The following JAK2 variants were observed in gnomAD, a reference collection of about 807,000 sequenced individuals.
JAK2 encodes the protein Janus kinase 2.
Under a neutral mutation model 139.3 loss-of-function variants are expected in JAK2, and 86 were observed. That is an observed-to-expected ratio of 0.62 (90% confidence interval 0.52 to 0.74). The LOEUF (loss-of-function observed/expected upper bound fraction) is 0.74, where lower values mean the gene tolerates loss of function less well. Ranked by LOEUF, JAK2 falls within the 30% of genes least tolerant of loss-of-function variation. JAK2 has a pLI of 0.00. For synonymous variants in JAK2, 490 were observed against 437.7 expected (o/e 1.12, Z -1.49); for missense variants, 1,421 against 1,360.3 (o/e 1.04, Z -0.70).
chr9:5,111,240 T>A, intron 22 of JAK2: 1 of 554,466 alleles, frequency 1.8e-6, no homozygotes, highest in Non-Finnish European at 3.4e-6. Flanking sequence ...CTATTCCTCC[T>A]TTGGTAGAGA....
chr9:5,021,951 TTTCTC>T lies in JAK2; in HGVS notation c.-25-9_-25-5del. On this transcript the variant is annotated splice_region_variant and splice_polypyrimidine_tract_variant and intron_variant, in intron 2 of 24. Transcript: ENST00000381652. Reference sequence around the variant, plus strand: ...CCCAGCCCATTTGTAACTTTATTGTTTTCTCTTACAGGCAAATGTTCTGAAAAAGA... The same window carrying T: ...CCCAGCCCATTTGTAACTTTATTGTTTTACAGGCAAATGTTCTGAAAAAGA... The T allele has an allele frequency of 2.7e-6, 4 of 1,509,120 alleles. No individual in the cohort carries two copies. The highest frequency in any genetic ancestry group is 2.8e-6 in the Non-Finnish European group (3 of 1,086,996). The allele number at this position is 1,509,120 out of a possible 1,614,324, so 93.5% of individuals were successfully genotyped here. A position where few individuals can be genotyped will look rare whatever the true frequency, so the allele number is the denominator to read the frequency against.
intron 5 of JAK2, among the ~76,000 whole-genome samples, chr9:5,050,145 T>C (rs1817311811): frequency 6.6e-6 from 1 of 152,208 alleles, no homozygotes; most frequent in Non-Finnish European, 1.5e-5. Flanking sequence ...GAAGATATAA[T>C]TTGAAGATAT....
chr9:5,044,548 T>G, intron 5 of JAK2, 28 bp downstream of exon 5: 1 of 1,278,402 alleles, frequency 7.8e-7, no homozygotes, highest in Non-Finnish European at 1.1e-6. Flanking sequence ...TACTTGTACA[T>G]GAGTTAAATG....
rs1818778921 is a variant in JAK2 at position 5,069,177 on chromosome 9, G to T, written c.1482G>T (p.Gln494His). ...TTCGCTCAGACAATATAATTTTCCA[G>T]TTTACTAAATGCTGTCCCCCAAAGC... Reference protein sequence around the residue: ...ETVRSDNIIFQFTKCCPPKPK... With the variant: ...ETVRSDNIIFHFTKCCPPKPK... The change falls in exon 11 of 25, where the codon CAG (glutamine) becomes CAT (histidine). Residue 494 changes from glutamine (Q) to histidine (H), a missense_variant. By Grantham distance (24) the Gln-to-His change is conservative. Transcript: ENST00000381652. The T allele has an allele frequency of 1.9e-6, 3 of 1,609,836 alleles. No homozygotes were observed. Among genetic ancestry groups the T allele is most frequent in the East Asian group, 4.5e-5 (2 of 44,706 alleles).
At chr9:5,049,855 G>A (rs1055443658) in intron 5 of JAK2, among the ~76,000 whole-genome samples, 6 of 152,256 alleles carry the variant, frequency 3.9e-5, no homozygotes, top group South Asian at 4.1e-4. Context: ...TATATAGCAT[G>A]TTGCTGTACT....
intron 22 of JAK2, chr9:5,099,648 T>C (rs188944063): frequency 6.8e-4 from 103 of 152,320 alleles, no homozygotes; most frequent in African/African-American, 2.4e-3. Flanking sequence ...TCCCACTGTT[T>C]CCAACCTCTA....
chr9:5,029,712 A>C, intron 3 of JAK2, 71 bp from the exon 4 acceptor site: 2 of 1,356,068 alleles, frequency 1.5e-6, no homozygotes, highest in African/African-American at 3.0e-5. Context: ...GCTTCATTTC[A>C]AATTATAGGT....
At chr9:5,051,039 C>G (rs967411620) in intron 6 of JAK2, among the ~76,000 whole-genome samples, 17 of 152,122 alleles carry the variant, frequency 1.1e-4, no homozygotes, top group African/African-American at 3.9e-4. Context: ...TTGAGCACCC[C>G]TAATCCAAAA....
At chr9:5,000,454 G>A (rs552048206) in intron 2 of JAK2, among the ~76,000 whole-genome samples, 1 of 152,102 alleles carries the variant, frequency 6.6e-6, no homozygotes, top group Non-Finnish European at 1.5e-5. Context: ...TAGTTTAAAG[G>A]AATGATTCAA....
chr9:5,109,734 C>T (rs1203059575), intron 22 of JAK2: 2 of 152,170 alleles, frequency 1.3e-5, no homozygotes. Flanking sequence ...TAGACTACTT[C>T]TCCATAATAT....
chr9:5,075,960 C>T (rs567250442), intron 14 of JAK2, among the ~76,000 whole-genome samples: 76 of 152,192 alleles, frequency 5.0e-4, no homozygotes, highest in African/African-American at 1.8e-3. Context: ...GGAAAAAGTT[C>T]ATTCTAACCC....
intron 4 of JAK2, among the ~76,000 whole-genome samples, chr9:5,032,445 CTCA>C (rs1317899695): frequency 6.6e-6 from 1 of 152,234 alleles, no homozygotes; most frequent in African/African-American, 2.4e-5. Flanking sequence ...GACAGACTGC[CTCA>C]TCAAGTGGGT....
chr9:5,114,380 G>A (rs1259116273), intron 22 of JAK2: 5 of 524,052 alleles, frequency 9.5e-6, no homozygotes, highest in Middle Eastern at 5.0e-4. Context: ...TCACCATCAC[G>A]TCCACCCTGC....
chr9:5,096,340 C>G (rs1820982212), intron 22 of JAK2, among the ~76,000 whole-genome samples: 1 of 152,148 alleles, frequency 6.6e-6, no homozygotes, highest in Non-Finnish European at 1.5e-5. Context: ...GTAACAAACC[C>G]AAGGACTGCA....
At chr9:5,004,804 C>A (rs1419242642) in intron 2 of JAK2, among the ~76,000 whole-genome samples, 2 of 151,900 alleles carry the variant, frequency 1.3e-5, no homozygotes, top group Non-Finnish European at 2.9e-5. Context: ...ATCCTTATAT[C>A]TTTTTGATAA....
Position 5,055,662 on chromosome 9 carries a change from A to T in JAK2, c.937-7A>T, listed in dbSNP as rs1409750074. ...CCGTTTTTAATTTTACATGCTTTTA[A>T]TTATAGGATTTACAGTTATATTGCG... On this transcript the variant is annotated splice_polypyrimidine_tract_variant and splice_region_variant and intron_variant, in intron 7 of 24. Transcript: ENST00000381652. The T allele has an allele frequency of 4.5e-6, 7 of 1,549,198 alleles. No homozygotes were observed. Among genetic ancestry groups the T allele is most frequent in the Non-Finnish European group, 6.2e-6 (7 of 1,130,522 alleles).
chr9:4,998,888 T>A (rs1820759177), intron 2 of JAK2, among the ~76,000 whole-genome samples: 1 of 152,130 alleles, frequency 6.6e-6, no homozygotes. Flanking sequence ...TGTAGTGCAG[T>A]GGTGCGATCT....
At chr9:4,998,483 C>T (rs943207019) in intron 2 of JAK2, among the ~76,000 whole-genome samples, 30 of 152,186 alleles carry the variant, frequency 2.0e-4, no homozygotes, top group Non-Finnish European at 1.9e-4. Flanking sequence ...TCTCGAACTC[C>T]TGACCTCGTG....
At chr9:4,988,831 C>T (rs1820101325) in intron 2 of JAK2, among the ~76,000 whole-genome samples, 1 of 152,166 alleles carries the variant, frequency 6.6e-6, no homozygotes, top group Admixed American at 6.5e-5. Flanking sequence ...TAATTTTCTT[C>T]TAATCATGTA....
Sources: allele counts gnomAD v4.1 joint callset (sites outside exome capture counted in the v4.1 genomes callset), GRCh38; gene constraint gnomAD v4.1.1; transcripts MANE v1.5; gene names NCBI Gene and HGNC (gene_info 2026-07-23, HGNC 2026-07-21).